Variants in RRAS2 observed in about 807,000 individuals in gnomAD.
The protein encoded by RRAS2 is RAS related 2.
A neutral mutation model predicts 27.6 loss-of-function variants in RRAS2; 7 were observed. The ratio of observed to expected loss-of-function variants is 0.25; its 90% confidence interval spans 0.14 to 0.48. RRAS2 has a LOEUF of 0.48. Among genes scored for constraint, RRAS2 ranks in the 20% least tolerant of loss-of-function variants. The pLI, the probability that RRAS2 is intolerant of heterozygous loss-of-function variation, is 0.99. For synonymous variants in RRAS2, 86 were observed against 90.9 expected (o/e 0.95, Z 0.31); for missense variants, 178 against 256.2 (o/e 0.69, Z 2.08).
Position 14,289,961 on chromosome 11 carries a change from C to CA in RRAS2, c.408+4509dup, listed in dbSNP as rs1419828042. Among the ~76,000 whole-genome samples, 124 of 152,258 alleles carry CA rather than the reference C, an allele frequency of 8.1e-4. 1 individual carries two copies. Among genetic ancestry groups the CA allele is most frequent in the African/African-American group, 2.9e-3 (121 of 41,550 alleles). On this transcript the variant is annotated intron_variant, in intron 4 of 5. Transcript: ENST00000256196. ...AGTCTAAGACAAAGGTAGAAAAAAA[C>CA]AAGCTGTGTCGGCAACAGAGAGCAA...
At chr11:14,290,122 T>C (rs997751238) in intron 4 of RRAS2, among the ~76,000 whole-genome samples, 4 of 152,194 alleles carry the variant, frequency 2.6e-5, no homozygotes, top group African/African-American at 7.2e-5. Context: ...CAAGACATTA[T>C]AGACGGACAC....
At chr11:14,286,324 C>A (rs1849660611) in intron 4 of RRAS2, among the ~76,000 whole-genome samples, 1 of 152,162 alleles carries the variant, frequency 6.6e-6, no homozygotes. Context: ...TATTCCTAAA[C>A]ACATTCCTGA....
rs1554943768 is a variant in RRAS2 at position 14,278,333 on chromosome 11, TTTTC to T, written c.*1000_*1003del. ...CACAGTTTCTGTAGTTTCCACTTGT[TTTTC>T]TTTGTCAGTTAAAAGTGAACAGTGA... On this transcript the variant is annotated 3_prime_UTR_variant, in exon 6 of 6. Transcript: ENST00000256196. 2 of 152,220 alleles carry T rather than the reference TTTTC, an allele frequency of 1.3e-5. No homozygotes were observed. The highest frequency in any genetic ancestry group is 6.5e-5 in the Admixed American group (1 of 15,272). The allele number at this position is 152,220 out of a possible 1,614,324, so 9.4% of individuals were successfully genotyped here. A position where few individuals can be genotyped will look rare whatever the true frequency, so the allele number is the denominator to read the frequency against.
At chr11:14,315,326 T>G (rs1440766221) in intron 1 of RRAS2, among the ~76,000 whole-genome samples, 1 of 152,212 alleles carries the variant, frequency 6.6e-6, no homozygotes, top group Non-Finnish European at 1.5e-5. Context: ...ACTTCACCTC[T>G]GTGGTCTTCC....
chr11:14,290,728 A>G (rs1273665749), intron 4 of RRAS2, among the ~76,000 whole-genome samples: 9 of 152,218 alleles, frequency 5.9e-5, no homozygotes, highest in Non-Finnish European at 1.2e-4. Flanking sequence ...CATTTGTCCA[A>G]TTAGTGATAC....
At chr11:14,336,178 G>A (rs561527235) in intron 1 of RRAS2, among the ~76,000 whole-genome samples, 1 of 152,236 alleles carries the variant, frequency 6.6e-6, no homozygotes, top group South Asian at 2.1e-4. Context: ...CCCACATTTT[G>A]GACTTAATGT....
chr11:14,290,879 T>C (rs1018209189), intron 4 of RRAS2, among the ~76,000 whole-genome samples: 3 of 152,318 alleles, frequency 2.0e-5, no homozygotes, highest in Non-Finnish European at 4.4e-5. Flanking sequence ...TAAAAGTTTA[T>C]GCTGTAGTTT....
chr11:14,286,739 G>C (rs1415435008), intron 4 of RRAS2, among the ~76,000 whole-genome samples: 1 of 152,178 alleles, frequency 6.6e-6, no homozygotes, highest in Non-Finnish European at 1.5e-5. Context: ...GTTCTACATA[G>C]CACTGGTATA....
chr11:14,360,317 G>C (rs1398698580), upstream of RRAS2, among the ~76,000 whole-genome samples: 1 of 152,032 alleles, frequency 6.6e-6, no homozygotes, highest in Non-Finnish European at 1.5e-5. Flanking sequence ...GGCATCCCCT[G>C]TTAGCATCTG....
At chr11:14,291,406 C>A (rs1242386820) in intron 4 of RRAS2, among the ~76,000 whole-genome samples, 2 of 152,114 alleles carry the variant, frequency 1.3e-5, no homozygotes, top group Non-Finnish European at 2.9e-5. Flanking sequence ...TAAAACTTTT[C>A]TTTGTGTCTA....
In RRAS2 at chr11:14,295,749, A is replaced by G. The variant is rs1554946499; in HGVS notation, c.196+19T>C. On this transcript the variant is annotated intron_variant, in intron 2 of 5. Transcript: ENST00000256196. Reference sequence around the variant, plus strand: ...AAAAATATGATATGCAAATTATCAAACAAAGGAAGTTTACTTACTATCTAG... The same window carrying G: ...AAAAATATGATATGCAAATTATCAAGCAAAGGAAGTTTACTTACTATCTAG... The G allele has an allele frequency of 1.3e-6, 2 of 1,569,700 alleles. No homozygotes were observed. The highest frequency in any genetic ancestry group is 2.7e-5 in the African/African-American group (2 of 73,130).
intron 1 of RRAS2, among the ~76,000 whole-genome samples, chr11:14,357,772 T>C (rs1245330326): frequency 6.6e-6 from 1 of 152,206 alleles, no homozygotes; most frequent in Non-Finnish European, 1.5e-5. Context: ...AATATCCTTG[T>C]TTCCTGTTAT....
chr11:14,359,113 G>A lies in RRAS2; in HGVS notation c.-243C>T, dbSNP rs1444943738. The A allele has an allele frequency of 3.0e-5, 32 of 1,055,536 alleles. No individual in the cohort carries two copies. The highest frequency in any genetic ancestry group is 8.5e-5 in the African/African-American group (5 of 59,058). The allele number at this position is 1,055,536 out of a possible 1,614,324, so 65.4% of individuals were successfully genotyped here. Reference sequence around the variant, plus strand: ...GGGCCAGGGGCGGCAGCGGCCGGGGGGCGCGCTCCTCTACGCGTCTCCGCA... The same window carrying A: ...GGGCCAGGGGCGGCAGCGGCCGGGGAGCGCGCTCCTCTACGCGTCTCCGCA... On this transcript the variant is annotated 5_prime_UTR_variant, in exon 1 of 6. Transcript: ENST00000256196.
intron 1 of RRAS2, among the ~76,000 whole-genome samples, chr11:14,327,060 C>CAAA (rs201334157): frequency 2.5e-5 from 1 of 39,776 alleles, no homozygotes. Context: ...GACTCTGTCT[C>CAAA]AAAAAAAAAA....
intron 4 of RRAS2, among the ~76,000 whole-genome samples, chr11:14,292,338 G>A (rs934662573): frequency 2.0e-5 from 3 of 152,128 alleles, no homozygotes; most frequent in South Asian, 4.1e-4. Flanking sequence ...CTACCACCAT[G>A]AGAAGGTTTG....
Position 14,313,647 on chromosome 11 carries a change from G to C in RRAS2, c.109-17792C>G, listed in dbSNP as rs1352105476. ...CAAAACACAGAAAATAACCCAGAGAGGAAGGCCACATGAAGGCAGAGGCAG... is the reference window on the plus strand; with the variant it reads ...CAAAACACAGAAAATAACCCAGAGACGAAGGCCACATGAAGGCAGAGGCAG... On this transcript the variant is annotated intron_variant, in intron 1 of 5. Coordinates refer to ENST00000256196, the MANE Select transcript of RRAS2 (RefSeq NM_012250.6). Among the ~76,000 whole-genome samples the C allele has an allele frequency of 5.3e-5, 8 of 152,268 alleles. No individual in the cohort carries two copies. In the East Asian group the frequency reaches 1.5e-3, roughly 29 times the overall value.
chr11:14,330,235 G>GA (rs1219681157), intron 1 of RRAS2, among the ~76,000 whole-genome samples: 1 of 152,134 alleles, frequency 6.6e-6, no homozygotes, highest in Non-Finnish European at 1.5e-5. Flanking sequence ...ATAATTTAAG[G>GA]AAAAATACAA....
chr11:14,325,372 C>T (rs538520205), intron 1 of RRAS2, among the ~76,000 whole-genome samples: 12 of 148,058 alleles, frequency 8.1e-5, no homozygotes, highest in Admixed American at 6.8e-5. Flanking sequence ...AGTGCAGTGG[C>T]GCGATCTTGG....
chr11:14,283,980 T>G (rs1239754100), intron 4 of RRAS2, among the ~76,000 whole-genome samples: 1 of 152,186 alleles, frequency 6.6e-6, no homozygotes, highest in Non-Finnish European at 1.5e-5. Flanking sequence ...ATTACAGGCA[T>G]AAGCCACTAC....
Sources: allele counts gnomAD v4.1 joint callset (sites outside exome capture counted in the v4.1 genomes callset), GRCh38; gene constraint gnomAD v4.1.1; transcripts MANE v1.5; gene names NCBI Gene and HGNC (gene_info 2026-07-23, HGNC 2026-07-21).